The following MEIKIN variants were observed in gnomAD, a reference collection of about 807,000 sequenced individuals.
The protein encoded by MEIKIN is meiosis-specific kinetochore protein.
intron 11 of MEIKIN, among the ~76,000 whole-genome samples, chr5:131,840,819 C>G (rs1327770570): frequency 6.6e-6 from 1 of 152,146 alleles, no homozygotes; most frequent in Non-Finnish European, 1.5e-5. Context: ...TGTCTTCATT[C>G]TTATCCATAT....
chr5:131,942,584 TG>T, intron 4 of MEIKIN, 50 bp downstream of exon 4: 1 of 397,944 alleles, frequency 2.5e-6, no homozygotes, highest in East Asian at 3.6e-5. Flanking sequence ...TGGATGCTTA[TG>T]TTTGGAGGAA....
intron 11 of MEIKIN, among the ~76,000 whole-genome samples, chr5:131,828,946 T>C (rs1440058836): frequency 6.6e-6 from 1 of 152,168 alleles, no homozygotes; most frequent in Non-Finnish European, 1.5e-5. Flanking sequence ...ATCAAACTTG[T>C]TGGATAAAGC....
intron 8 of MEIKIN, among the ~76,000 whole-genome samples, chr5:131,890,157 T>A (rs1335931643): frequency 6.6e-6 from 1 of 152,150 alleles, no homozygotes; most frequent in East Asian, 1.9e-4. Context: ...TGGTCTAAAA[T>A]TCTCTCTTTT....
At chr5:131,821,850 C>A (rs1217343261) in intron 11 of MEIKIN, among the ~76,000 whole-genome samples, 1 of 151,722 alleles carries the variant, frequency 6.6e-6, no homozygotes, top group Non-Finnish European at 1.5e-5. Flanking sequence ...GTCTCAAACT[C>A]CTGGGCTCAA....
intron 12 of MEIKIN, among the ~76,000 whole-genome samples, chr5:131,815,693 G>A (rs543942443): frequency 6.6e-6 from 1 of 152,364 alleles, no homozygotes; most frequent in Non-Finnish European, 1.5e-5. Flanking sequence ...GGAAGAATAT[G>A]TCTGGAACAC....
intron 11 of MEIKIN, among the ~76,000 whole-genome samples, chr5:131,826,927 A>T (rs1749623320): frequency 6.6e-6 from 1 of 152,234 alleles, no homozygotes; most frequent in Admixed American, 6.5e-5. Flanking sequence ...TTATACAATG[A>T]TAAGAAACAA....
intron 12 of MEIKIN, among the ~76,000 whole-genome samples, chr5:131,809,133 G>A (rs551709811): frequency 1.9e-4 from 29 of 152,158 alleles, no homozygotes; most frequent in African/African-American, 6.5e-4. Context: ...TCCTCTATGA[G>A]ACTATAAACT....
chr5:131,868,833 C>T (rs1750435194), intron 9 of MEIKIN, among the ~76,000 whole-genome samples: 1 of 152,064 alleles, frequency 6.6e-6, no homozygotes, highest in African/African-American at 2.4e-5. Context: ...TGTGCCTGGC[C>T]CTTATTGTTG....
At chr5:131,845,559 CTA>C (rs1750004406) in intron 11 of MEIKIN, among the ~76,000 whole-genome samples, 1 of 150,628 alleles carries the variant, frequency 6.6e-6, no homozygotes, top group Non-Finnish European at 1.5e-5. Context: ...GTCAAAAAAA[CTA>C]TGTATAAACA....
chr5:131,871,750 G>A (rs1346500059), intron 9 of MEIKIN, among the ~76,000 whole-genome samples: 1 of 152,200 alleles, frequency 6.6e-6, no homozygotes, highest in East Asian at 1.9e-4. Flanking sequence ...GCACCCCCCA[G>A]TAGGGGCGGA....
At chr5:131,942,240 T>G (rs941050676) in intron 4 of MEIKIN, among the ~76,000 whole-genome samples, 1 of 152,262 alleles carries the variant, frequency 6.6e-6, no homozygotes, top group Non-Finnish European at 1.5e-5. Context: ...ACTGGCCTTC[T>G]TCAGTTACTC....
intron 8 of MEIKIN, 78 bp from the exon 9 acceptor site, chr5:131,879,126 A>G (rs1262007356): frequency 2.5e-6 from 1 of 396,524 alleles, no homozygotes; most frequent in South Asian, 1.3e-4. Context: ...AAGAGAATTC[A>G]AATTTGACAA....
chr5:131,899,473 T>C (rs935291986), intron 8 of MEIKIN, among the ~76,000 whole-genome samples: 6 of 149,536 alleles, frequency 4.0e-5, no homozygotes, highest in Non-Finnish European at 5.9e-5. Flanking sequence ...TCTCTACTTA[T>C]CAATAGTAAC....
intron 11 of MEIKIN, among the ~76,000 whole-genome samples, chr5:131,820,366 T>C (rs1000964570): frequency 6.6e-6 from 1 of 152,174 alleles, no homozygotes; most frequent in Non-Finnish European, 1.5e-5. Flanking sequence ...GGATTACAGA[T>C]GTGAACCACC....
rs1561759812 is a variant in MEIKIN, at chr5:131,935,620, G to A, written c.350-1979C>T. Among the ~76,000 whole-genome samples the A allele has an allele frequency of 2.0e-5, 3 of 152,086 alleles. No homozygotes were observed. In the South Asian group the frequency reaches 6.2e-4, roughly 32 times the overall value. ...ACTGGTTGCGGGGGTCGGGGGTGGT[G>A]AGTAAGAGATCAAAGGGGAGCATTG... On this transcript the variant is annotated intron_variant, in intron 4 of 12. Transcript: ENST00000442687.
intron 11 of MEIKIN, among the ~76,000 whole-genome samples, chr5:131,845,107 A>T (rs1306091294): frequency 6.6e-6 from 1 of 151,882 alleles, no homozygotes; most frequent in Non-Finnish European, 1.5e-5. Flanking sequence ...CATCTCTATT[A>T]AAAACACAAA....
At chr5:131,830,322 G>A (rs765952098) in intron 11 of MEIKIN, among the ~76,000 whole-genome samples, 13 of 152,154 alleles carry the variant, frequency 8.5e-5, no homozygotes, top group Non-Finnish European at 1.8e-4. Flanking sequence ...AATTGAGCCT[G>A]GGAGGTCAAG....
chr5:131,818,669 A>C, intron 12 of MEIKIN, 71 bp downstream of exon 12: 1 of 388,738 alleles, frequency 2.6e-6, no homozygotes, highest in Non-Finnish European at 4.6e-6. Flanking sequence ...TCCTGTGTAC[A>C]TAAGGCATTT....
intron 11 of MEIKIN, among the ~76,000 whole-genome samples, chr5:131,827,291 G>GT (rs1278969520): frequency 6.6e-6 from 1 of 151,990 alleles, no homozygotes; most frequent in Non-Finnish European, 1.5e-5. Flanking sequence ...AGCCAAAATT[G>GT]TTTTTTTCAA....
Sources: allele counts gnomAD v4.1 joint callset (sites outside exome capture counted in the v4.1 genomes callset), GRCh38; gene constraint gnomAD v4.1.1; transcripts MANE v1.5; gene names NCBI Gene and HGNC (gene_info 2026-07-23, HGNC 2026-07-21).